ECT2L: variants seen among roughly 807,000 people sequenced by gnomAD.
The protein encoded by ECT2L is epithelial cell transforming 2 like.
In ECT2L, 126 loss-of-function variants were observed where a neutral mutation model predicts 122.8. The observed-to-expected ratio is 1.03, with a 90% CI of 0.89 to 1.19. ECT2L has a LOEUF of 1.19. Among genes scored for constraint, ECT2L ranks in the 50% most tolerant of loss-of-function variants. ECT2L has a pLI of 0.00. For missense variants in ECT2L, 1,012 were observed against 1,064.1 expected (o/e 0.95, Z 0.68); for synonymous variants, 385 against 381.8 (o/e 1.01, Z -0.10).
At chr6:138,877,455 A>T (rs748714146) in intron 14 of ECT2L, among the ~76,000 whole-genome samples, 6 of 152,180 alleles carry the variant, frequency 3.9e-5, no homozygotes, top group Non-Finnish European at 7.3e-5. Context: ...GACAATGAAA[A>T]CCTTAGTTCA....
At chr6:138,889,930 C>A (rs1037911687) in intron 20 of ECT2L, among the ~76,000 whole-genome samples, 1 of 152,132 alleles carries the variant, frequency 6.6e-6, no homozygotes. Context: ...GGCAACTACC[C>A]AACTTTGCTA....
At chr6:138,858,824 G>GCCT (rs1397401413) in intron 10 of ECT2L, among the ~76,000 whole-genome samples, 1 of 146,626 alleles carries the variant, frequency 6.8e-6, no homozygotes, top group Non-Finnish European at 1.5e-5. Context: ...TCCCACCTCA[G>GCCT]CCTCCTGAGT....
intron 4 of ECT2L, among the ~76,000 whole-genome samples, chr6:138,816,031 G>A (rs1374374429): frequency 1.3e-5 from 2 of 152,206 alleles, no homozygotes; most frequent in Non-Finnish European, 2.9e-5. Flanking sequence ...TGCAAAGACA[G>A]GGCACAGATA....
In ECT2L at chr6:138,902,892, T is replaced by G. The variant is rs190758712; in HGVS notation, c.*265T>G. 15 of 370,156 alleles carry G rather than the reference T, an allele frequency of 4.1e-5. No homozygotes were observed. Among genetic ancestry groups the G allele is most frequent in the South Asian group, 8.0e-5 (3 of 37,570 alleles). The allele number at this position is 370,156 out of a possible 1,614,324, so 22.9% of individuals were successfully genotyped here. ...CATGGATAATATTATTTAGAGTAAT[T>G]TGATGTGATGAAACCTAAGACAGAG... On this transcript the variant is annotated 3_prime_UTR_variant, in exon 22 of 22. Coordinates refer to ENST00000541398, the MANE Select transcript of ECT2L (RefSeq NM_001077706.3).
At chr6:138,845,750 G>T (rs74431331) in intron 7 of ECT2L, among the ~76,000 whole-genome samples, 2,331 of 152,178 alleles carry the variant, frequency 0.015, 27 homozygotes, top group Non-Finnish European at 0.023. Flanking sequence ...ATGTGTGCAT[G>T]TACATTTACT....
At chr6:138,877,698 C>G (rs1326276413) in intron 14 of ECT2L, among the ~76,000 whole-genome samples, 3 of 152,094 alleles carry the variant, frequency 2.0e-5, no homozygotes, top group Non-Finnish European at 2.9e-5. Context: ...CTTTCGGAGG[C>G]CAAGGCAGGT....
At chr6:138,850,453 C>T (rs1777398244) in intron 9 of ECT2L, among the ~76,000 whole-genome samples, 1 of 152,114 alleles carries the variant, frequency 6.6e-6, no homozygotes, top group South Asian at 2.1e-4. Flanking sequence ...CTGTGACTGG[C>T]TTATGTCACT....
rs746864 is a variant in ECT2L at position 138,812,975 on chromosome 6, C to T, written c.-106C>T. 0.27 allele frequency: 73,180 copies of T among 266,664 alleles called. 10,089 individuals carry two copies. Among genetic ancestry groups the T allele is most frequent in the East Asian group, 0.33 (4,915 of 15,012 alleles). The allele number at this position is 266,664 out of a possible 1,614,324, so 16.5% of individuals were successfully genotyped here. A position where few individuals can be genotyped will look rare whatever the true frequency, so the allele number is the denominator to read the frequency against. ...GTTTAAATTCAGATTTGGGTGAAAG[C>T]AGGTAAGAATAGAATAATTGCAATG... On this transcript the variant is annotated splice_region_variant and 5_prime_UTR_variant, in exon 2 of 22. Coordinates refer to ENST00000541398, the MANE Select transcript of ECT2L (RefSeq NM_001077706.3).
chr6:138,890,346 T>C (rs1778972109), intron 20 of ECT2L, among the ~76,000 whole-genome samples: 1 of 152,138 alleles, frequency 6.6e-6, no homozygotes. Flanking sequence ...TTTCAACAAA[T>C]GTTCCTCAAA....
chr6:138,850,066 A>G (rs1373768913), intron 9 of ECT2L, among the ~76,000 whole-genome samples: 14 of 151,980 alleles, frequency 9.2e-5, no homozygotes, highest in Admixed American at 9.2e-4. Context: ...GACAACCACC[A>G]TTCGACTTCA....
At chr6:138,820,231 A>C (rs1255506139) in intron 4 of ECT2L, among the ~76,000 whole-genome samples, 2 of 152,190 alleles carry the variant, frequency 1.3e-5, no homozygotes, top group African/African-American at 2.4e-5. Flanking sequence ...TGTCTGCTTT[A>C]GGAAAGGGCG....
At chr6:138,798,880 GC>G (rs1775434418) in intron 1 of ECT2L, among the ~76,000 whole-genome samples, 1 of 152,190 alleles carries the variant, frequency 6.6e-6, no homozygotes. Flanking sequence ...AATCCCAGGA[GC>G]CGTACTTCAA....
At chr6:138,822,274 G>A (rs1776292020) in intron 4 of ECT2L, among the ~76,000 whole-genome samples, 1 of 152,216 alleles carries the variant, frequency 6.6e-6, no homozygotes, top group Non-Finnish European at 1.5e-5. Context: ...GAAGGAGGCC[G>A]GGCGCAGTGG....
At chr6:138,820,208 C>A (rs1415260252) in intron 4 of ECT2L, among the ~76,000 whole-genome samples, 1 of 152,168 alleles carries the variant, frequency 6.6e-6, no homozygotes, top group Non-Finnish European at 1.5e-5. Flanking sequence ...TGATCACTGC[C>A]TCCCCTGGAT....
chr6:138,849,776 C>T (rs1198087641), intron 9 of ECT2L, among the ~76,000 whole-genome samples: 1 of 151,976 alleles, frequency 6.6e-6, no homozygotes, highest in East Asian at 1.9e-4. Flanking sequence ...TCCATGTTGC[C>T]CATGCTGGTC....
In ECT2L at chr6:138,898,973, G is replaced by A. The variant is rs998999652; in HGVS notation, c.2415-1975G>A. ...TAGAACAATTATAATGACATAAAGT[G>A]GTAACAGTTATGTAAAGGTTTATCT... On this transcript the variant is annotated intron_variant, in intron 20 of 21. Coordinates refer to ENST00000541398, the MANE Select transcript of ECT2L (RefSeq NM_001077706.3). 3.3e-5 allele frequency among the ~76,000 whole-genome samples: 5 copies of A among 152,214 alleles called. No individual in the cohort carries two copies. In the East Asian group the frequency reaches 7.7e-4, roughly 23 times the overall value.
intron 4 of ECT2L, among the ~76,000 whole-genome samples, chr6:138,824,576 A>AAAAAAC (rs1435372985): frequency 9.5e-6 from 1 of 104,920 alleles, no homozygotes; most frequent in African/African-American, 3.4e-5. Flanking sequence ...AACAAAAAAC[A>AAAAAAC]AAAACAAAAA....
intron 20 of ECT2L, among the ~76,000 whole-genome samples, chr6:138,892,307 G>A (rs1779057660): frequency 6.6e-6 from 1 of 152,024 alleles, no homozygotes. Flanking sequence ...TTCTTTCTTA[G>A]AGTTTTGGTC....
intron 4 of ECT2L, among the ~76,000 whole-genome samples, chr6:138,818,071 G>A (rs1003677068): frequency 1.3e-5 from 2 of 152,116 alleles, no homozygotes; most frequent in African/African-American, 4.8e-5. Flanking sequence ...CTTAGTGCCT[G>A]GTAATTCCTC....
Sources: allele counts gnomAD v4.1 joint callset (sites outside exome capture counted in the v4.1 genomes callset), GRCh38; gene constraint gnomAD v4.1.1; transcripts MANE v1.5; gene names NCBI Gene and HGNC (gene_info 2026-07-23, HGNC 2026-07-21).